Variants in TUBGCP6 observed in about 807,000 individuals in gnomAD.
TUBGCP6 encodes the protein gamma-tubulin complex component 6.
TUBGCP6 carries 161 observed loss-of-function variants against 175.8 expected under a neutral mutation model. The observed-to-expected ratio is 0.92, with a 90% CI of 0.81 to 1.04. TUBGCP6 has a LOEUF of 1.04. TUBGCP6 is among the 50% of genes least tolerant of loss of function. TUBGCP6 has a pLI of 0.00. For synonymous variants in TUBGCP6, 1,173 were observed against 1,030.5 expected (o/e 1.14, Z -2.65); for missense variants, 2,572 against 2,433.0 (o/e 1.06, Z -1.20).
At position 50,220,083 on chromosome 22, in the gene TUBGCP6, G is replaced by A. The variant is rs534334984; in HGVS notation, c.4109-68C>T. On this transcript the variant is annotated intron_variant, in intron 16 of 24. Coordinates refer to ENST00000248846, the MANE Select transcript of TUBGCP6 (RefSeq NM_020461.4). ...CCTGTGGCGGGTACAGAGCCGAGCC[G>A]GCCCTGGCTCAAGCAGCCCCTCCCA... The A allele has an allele frequency of 1.6e-4, 253 of 1,566,910 alleles. No individual in the cohort carries two copies. In the African/African-American group the frequency reaches 2.3e-3, roughly 14 times the overall value.
rs773668112 is a variant in TUBGCP6 at position 50,229,531 on chromosome 22, G to A, written c.1163C>T (p.Ala388Val). ...CAGGCTGCTGATGCTCTCGGGAGAC[G>A]CTCCTGACACGTGGACGCCCCGCTT... is the stretch of plus-strand genomic sequence containing the variant. The part of the protein sequence containing the change: ...VVKRGVHVSG[A>V]SPESISSLLS... The change falls in exon 4 of 25, where the codon GCG becomes GTG. Residue 388 changes from alanine to valine, a missense_variant. Physicochemically the swap from Ala to Val is moderately conservative, Grantham distance 64. Transcript: ENST00000248846. The A allele has an allele frequency of 2.5e-6, 4 of 1,605,274 alleles. No individual in the cohort carries two copies. The highest frequency in any genetic ancestry group is 3.4e-5 in the Admixed American group (2 of 58,934).
intron 2 of TUBGCP6, among the ~76,000 whole-genome samples, chr22:50,236,018 C>T (rs1363941864): frequency 1.3e-5 from 2 of 151,784 alleles, no homozygotes; most frequent in African/African-American, 4.8e-5. Flanking sequence ...TGCTGTGCAG[C>T]AGTGAAAATA....
Position 50,244,672 on chromosome 22 carries a change from C to G in TUBGCP6, c.-213G>C, listed in dbSNP as rs2064896840. On this transcript the variant is annotated 5_prime_UTR_variant, in exon 1 of 25. Transcript: ENST00000248846. Reference sequence around the variant, plus strand: ...CGCCCTGCCCTCCCCAGTCCAAGCACGCTGCCCGGCGCCCGGCAGCCCACC... The same window carrying G: ...CGCCCTGCCCTCCCCAGTCCAAGCAGGCTGCCCGGCGCCCGGCAGCCCACC... 1 of 720,242 alleles carries G rather than the reference C, an allele frequency of 1.4e-6. No homozygotes were observed. The highest frequency in any genetic ancestry group is 1.8e-5 in the African/African-American group (1 of 55,924). 44.6% of individuals were successfully genotyped at this position (720,242 alleles called of 1,614,324 possible).
chr22:50,243,452 C>CAA (rs369826679), intron 1 of TUBGCP6, among the ~76,000 whole-genome samples: 2 of 113,474 alleles, frequency 1.8e-5, no homozygotes, highest in Non-Finnish European at 3.7e-5. Context: ...GACTCCATCT[C>CAA]AAAAAAAAAA....
intron 2 of TUBGCP6, among the ~76,000 whole-genome samples, chr22:50,238,956 A>C (rs2064808787): frequency 1.3e-5 from 2 of 152,162 alleles, no homozygotes; most frequent in Admixed American, 6.5e-5. Flanking sequence ...GCCAACCCTG[A>C]GGGAATCTTC....
chr22:50,220,448 G>A lies in TUBGCP6; in HGVS notation c.3911C>T (p.Ser1304Leu), dbSNP rs999690325. Residue 1304 changes from serine to leucine, a missense_variant, in exon 16 of 25, where the codon TCA (serine) becomes TTA (leucine). Transcript: ENST00000248846. ...QQSPPGHTSQSALSLGAQSTV... is the reference protein window; with the variant it reads ...QQSPPGHTSQLALSLGAQSTV... ...GCTCTGTGCTCCCAGGCTGAGCGCT[G>A]ACTGGGACGTGTGGCCAGGGGGGCT... 1 of 1,612,564 alleles carries A rather than the reference G, an allele frequency of 6.2e-7. No homozygotes were observed. Among genetic ancestry groups the A allele is most frequent in the Non-Finnish European group, 8.5e-7 (1 of 1,179,788 alleles).
chr22:50,221,332 G>A lies in TUBGCP6; in HGVS notation c.3027C>T (p.Pro1009=), dbSNP rs761532072. ...SRETLLPSHP[P]RRAALEEGSS... is the part of the protein sequence containing the mutation. The stretch of plus-strand genomic sequence containing the variant: ...TCCCCTCCTCCAGAGCAGCACGCCT[G>A]GGTGGGTGTGAGGGGAGCAGAGTCT... The change falls in exon 16 of 25, where the codon CCC becomes CCT. Residue 1009 remains proline (P), a synonymous_variant. Coordinates refer to ENST00000248846, the MANE Select transcript of TUBGCP6 (RefSeq NM_020461.4). 4.3e-6 allele frequency: 7 copies of A among 1,612,948 alleles called. No individual in the cohort carries two copies. The highest frequency in any genetic ancestry group is 5.9e-6 in the Non-Finnish European group (7 of 1,179,930).
intron 3 of TUBGCP6, among the ~76,000 whole-genome samples, chr22:50,232,722 G>A (rs1174581382): frequency 6.6e-6 from 1 of 152,234 alleles, no homozygotes; most frequent in East Asian, 1.9e-4. Flanking sequence ...TGTGCTTCTA[G>A]TCCATTCTGA....
chr22:50,226,534 G>T (rs555565327), intron 7 of TUBGCP6, among the ~76,000 whole-genome samples, 156 bp from the exon 8 acceptor site: 15 of 149,952 alleles, frequency 1.0e-4, no homozygotes, highest in East Asian at 8.0e-4. Context: ...TCCATGAGGG[G>T]CGGGATGGAG....
intron 2 of TUBGCP6, among the ~76,000 whole-genome samples, chr22:50,239,766 C>G (rs1443121626): frequency 6.6e-6 from 1 of 152,240 alleles, no homozygotes; most frequent in Non-Finnish European, 1.5e-5. Flanking sequence ...GCTCCTTCAT[C>G]AGCACCCCAT....
chr22:50,222,407 C>A, intron 14 of TUBGCP6, 47 bp downstream of exon 14: 1 of 1,608,406 alleles, frequency 6.2e-7, no homozygotes, highest in Non-Finnish European at 8.5e-7. Flanking sequence ...GGTTTCCAGA[C>A]CCCCAAAGCC....
At position 50,226,857 on chromosome 22, in the gene TUBGCP6, G is replaced by C. The variant is rs2064619066; in HGVS notation, c.1492-15C>G. The C allele has an allele frequency of 6.4e-7, 1 of 1,568,516 alleles. No homozygotes were observed. The highest frequency in any genetic ancestry group is 8.6e-7 in the Non-Finnish European group (1 of 1,156,168). ...AGCTTCACGCCCTGCAGACCGCAAA[G>C]GGGGTGGGGGGCAGCTCAGCGCACC... On this transcript the variant is annotated splice_polypyrimidine_tract_variant and intron_variant, in intron 6 of 24. Coordinates refer to ENST00000248846, the MANE Select transcript of TUBGCP6 (RefSeq NM_020461.4).
chr22:50,224,206 G>T lies in TUBGCP6; in HGVS notation c.2205C>A (p.Ala735=). 1 of 1,614,082 alleles carries T rather than the reference G, an allele frequency of 6.2e-7. No homozygotes were observed. Among genetic ancestry groups the T allele is most frequent in the South Asian group, 1.1e-5 (1 of 91,074 alleles). The stretch of plus-strand genomic sequence containing the variant: ...TTCTCTCCCTGTCTCGGAGTTCACG[G>T]GCGTAGCTGAAGTCATCATCCAGCT... ...QEELDDDFSY[A]RELRDRERRL... is the part of the protein sequence containing the mutation. The change falls in exon 13 of 25, where the codon GCC becomes GCA. Residue 735 remains alanine (A), a synonymous_variant. Coordinates refer to ENST00000248846, the MANE Select transcript of TUBGCP6 (RefSeq NM_020461.4).
At chr22:50,226,508 G>C in intron 7 of TUBGCP6, 130 bp from the exon 8 acceptor site, 3 of 821,468 alleles carry the variant, frequency 3.7e-6, no homozygotes, top group Non-Finnish European at 6.0e-6. Flanking sequence ...GTGAGAGGTG[G>C]AGTGGGGTGT....
At position 50,241,815 on chromosome 22, in the gene TUBGCP6, T is replaced by C. The variant is rs190981240; in HGVS notation, c.742-1448A>G. On this transcript the variant is annotated intron_variant, in intron 1 of 24. Transcript: ENST00000248846. ...AATAAATAACAGCGCAGCCTGGCAT[T>C]TGGGGCCACTACTGGTCTCCACGTG... Among the ~76,000 whole-genome samples the C allele has an allele frequency of 1.4e-3, 217 of 152,152 alleles. 5 individuals are homozygous for C. Among genetic ancestry groups the C allele is most frequent in the East Asian group, 5.8e-3 (30 of 5,172 alleles).
Position 50,218,877 on chromosome 22 carries a change from G to C in TUBGCP6, c.4647C>G (p.Pro1549=). ...GCACCAGCGGGTTGAGCAGCTCTCC[G>C]GGCGTTTGCCCAGCTCCAAGCTAGG... ...LFEKLGAGQT[P]GELLNPLVLN... is the part of the protein sequence containing the mutation. Residue 1549 remains proline (P), a synonymous_variant, in exon 21 of 25, where the codon CCC becomes CCG. Transcript: ENST00000248846. 1 of 1,612,372 alleles carries C rather than the reference G, an allele frequency of 6.2e-7. No individual in the cohort carries two copies. The highest frequency in any genetic ancestry group is 8.5e-7 in the Non-Finnish European group (1 of 1,179,140).
Position 50,218,068 on chromosome 22 carries a change from T to C in TUBGCP6, c.5218A>G (p.Ile1740Val). The change falls in exon 24 of 25, where the codon ATC becomes GTC. Residue 1740 changes from isoleucine (I) to valine (V), a missense_variant. By Grantham distance (29) the Ile-to-Val change is conservative (BLOSUM62 3). Coordinates refer to ENST00000248846, the MANE Select transcript of TUBGCP6 (RefSeq NM_020461.4). The stretch of plus-strand genomic sequence containing the variant: ...CGGAACTTGAGCACGAGGCTGAAGA[T>C]GCTGTGGATGACGTTCATGACGGGC... ...AAPVMNVIHS[I>V]FSLVLKFRSQ... 6.2e-7 allele frequency: 1 copy of C among 1,613,446 alleles called. No homozygotes were observed.
At chr22:50,219,483 T>C in intron 18 of TUBGCP6, 27 bp from the exon 19 acceptor site, 1 of 1,594,744 alleles carries the variant, frequency 6.3e-7, no homozygotes, top group Non-Finnish European at 8.5e-7. Context: ...ACGCACGTGC[T>C]GGGAACCGGC....
At chr22:50,233,861 G>C (rs2064725555) in intron 2 of TUBGCP6, among the ~76,000 whole-genome samples, 1 of 152,060 alleles carries the variant, frequency 6.6e-6, no homozygotes, top group African/African-American at 2.4e-5. Flanking sequence ...TCAAGATGGT[G>C]ATTCACTCAT....
Sources: allele counts gnomAD v4.1 joint callset (sites outside exome capture counted in the v4.1 genomes callset), GRCh38; gene constraint gnomAD v4.1.1; transcripts MANE v1.5; gene names NCBI Gene and HGNC (gene_info 2026-07-23, HGNC 2026-07-21).